NPR3: variants seen among roughly 807,000 people sequenced by gnomAD.
NPR3 encodes natriuretic peptide receptor 3.
A neutral mutation model predicts 54.5 loss-of-function variants in NPR3; 34 were observed. The ratio of observed to expected loss-of-function variants is 0.62; its 90% CI spans 0.47 to 0.83. NPR3 has a LOEUF of 0.83. NPR3 is among the 40% of genes least tolerant of loss of function. The probability of loss-of-function intolerance (pLI) is 0.00; values close to 1 mark genes in which losing one functional copy is unlikely to be tolerated. For synonymous variants in NPR3, 289 were observed against 297.1 expected (o/e 0.97, Z 0.28); for missense variants, 674 against 720.8 (o/e 0.94, Z 0.74).
chr5:32,752,298 G>A (rs1382178525), intron 3 of NPR3, among the ~76,000 whole-genome samples: 1 of 152,174 alleles, frequency 6.6e-6, no homozygotes, highest in African/African-American at 2.4e-5. Flanking sequence ...GAAGCAGTAT[G>A]GGAGGTGACG....
At chr5:32,729,693 C>T (rs1300917024) in intron 2 of NPR3, among the ~76,000 whole-genome samples, 1 of 152,082 alleles carries the variant, frequency 6.6e-6, no homozygotes, top group Non-Finnish European at 1.5e-5. Flanking sequence ...GCAATTATAG[C>T]ATGATGGTAT....
intron 1 of NPR3, among the ~76,000 whole-genome samples, chr5:32,721,727 G>C (rs551480120): frequency 6.6e-6 from 1 of 152,284 alleles, no homozygotes; most frequent in African/African-American, 2.4e-5. Context: ...TGGTGGTGGG[G>C]TATGTCTTAG....
chr5:32,752,756 A>C (rs1312745315), intron 3 of NPR3, among the ~76,000 whole-genome samples: 1 of 152,234 alleles, frequency 6.6e-6, no homozygotes, highest in African/African-American at 2.4e-5. Flanking sequence ...AATCAAGTGG[A>C]CTGAGGTGTT....
intron 5 of NPR3, among the ~76,000 whole-genome samples, chr5:32,782,118 G>A (rs1258966945): frequency 6.6e-6 from 1 of 152,118 alleles, no homozygotes; most frequent in Non-Finnish European, 1.5e-5. Context: ...ATTTTCCAGG[G>A]GCCAGAGGAG....
At position 32,790,352 on chromosome 5, in the gene NPR3, CTCCACCCACA is replaced by C. The variant is rs2307546; in HGVS notation, c.*4013_*4022del. 10,636 of 168,060 alleles carry C rather than the reference CTCCACCCACA, an allele frequency of 0.063. 1,282 individuals are homozygous for C. Among genetic ancestry groups the C allele is most frequent in the African/African-American group, 0.25 (10,183 of 41,428 alleles). The allele number at this position is 168,060 out of a possible 1,614,324, so 10.4% of individuals were successfully genotyped here. On this transcript the variant is annotated 3_prime_UTR_variant, in exon 8 of 8. Coordinates refer to ENST00000265074, the MANE Select transcript of NPR3 (RefSeq NM_001204375.2). ...ACTGTCTTTACTGCCCCTTCTGCCCCTCCACCCACATCCACATTCAGCATCACTCCAAGGA... is the reference window on the plus strand; with the variant it reads ...ACTGTCTTTACTGCCCCTTCTGCCCCTCCACATTCAGCATCACTCCAAGGA...
chr5:32,722,271 A>C (rs1208536906), intron 1 of NPR3, among the ~76,000 whole-genome samples: 1 of 152,192 alleles, frequency 6.6e-6, no homozygotes, highest in Non-Finnish European at 1.5e-5. Context: ...ATGGATGCCT[A>C]GGGTCATCAA....
intron 3 of NPR3, among the ~76,000 whole-genome samples, chr5:32,744,373 T>A (rs1043381793): frequency 6.6e-6 from 1 of 152,186 alleles, no homozygotes; most frequent in African/African-American, 2.4e-5. Flanking sequence ...TGGGATTTCA[T>A]AGACCTGGCT....
chr5:32,721,170 A>G (rs143825712), intron 1 of NPR3, among the ~76,000 whole-genome samples: 81 of 152,322 alleles, frequency 5.3e-4, no homozygotes, highest in Non-Finnish European at 9.8e-4. Flanking sequence ...ACTGGATGAT[A>G]ATGTGCATTA....
intron 7 of NPR3, 92 bp downstream of exon 7, chr5:32,784,975 C>T: frequency 9.6e-7 from 1 of 1,039,934 alleles, no homozygotes; most frequent in South Asian, 1.3e-5. Context: ...GTCCACATCC[C>T]TCTTTCACCC....
chr5:32,728,829 G>GTATATA (rs1456034881), intron 2 of NPR3, among the ~76,000 whole-genome samples: 87 of 76,130 alleles, frequency 1.1e-3, no homozygotes, highest in East Asian at 1.6e-3. Context: ...GTGTGTGTGT[G>GTATATA]TGTGTGTGTA....
chr5:32,780,561 A>C (rs1742285349), intron 4 of NPR3, among the ~76,000 whole-genome samples, 161 bp from the exon 5 acceptor site: 1 of 152,240 alleles, frequency 6.6e-6, no homozygotes, highest in Admixed American at 6.5e-5. Flanking sequence ...ATGAAATTAC[A>C]ATGTCTTTCC....
At chr5:32,691,652 G>T (rs949183022) in intron 1 of NPR3, among the ~76,000 whole-genome samples, 1 of 152,230 alleles carries the variant, frequency 6.6e-6, no homozygotes. Context: ...CTGCCATTTT[G>T]CAGAGTAATC....
chr5:32,714,260 T>C (rs1738427707), intron 1 of NPR3, among the ~76,000 whole-genome samples: 1 of 152,260 alleles, frequency 6.6e-6, no homozygotes, highest in Admixed American at 6.5e-5. Flanking sequence ...TGTCAGCGGC[T>C]GCCCCGGCGC....
At chr5:32,702,761 T>C (rs766877774) in intron 1 of NPR3, among the ~76,000 whole-genome samples, 26 of 152,292 alleles carry the variant, frequency 1.7e-4, no homozygotes, top group Non-Finnish European at 1.6e-4. Context: ...ATTTGTAGTC[T>C]TTTGGGTATA....
chr5:32,718,429 G>A (rs990660540), intron 1 of NPR3, among the ~76,000 whole-genome samples: 2 of 152,144 alleles, frequency 1.3e-5, no homozygotes, highest in African/African-American at 4.8e-5. Context: ...ATTACTTTGG[G>A]CAATATGGCC....
chr5:32,710,470 C>T, upstream of NPR3: 1 of 516,118 alleles, frequency 1.9e-6, no homozygotes, highest in East Asian at 4.0e-5. Flanking sequence ...ATTCCCTCGC[C>T]TTTGGGAGCA....
intron 3 of NPR3, among the ~76,000 whole-genome samples, chr5:32,751,992 G>A (rs111935374): frequency 0.21 from 31,353 of 151,912 alleles, 3,344 homozygotes; most frequent in South Asian, 0.28. Flanking sequence ...ACCTGAGGTC[G>A]GGAGTTCAAG....
At chr5:32,738,300 CT>C (rs1000329331) in intron 2 of NPR3, among the ~76,000 whole-genome samples, 40 of 152,182 alleles carry the variant, frequency 2.6e-4, no homozygotes, top group African/African-American at 9.2e-4. Context: ...CCCCCACCCC[CT>C]GATAGGCCCT....
At chr5:32,696,544 T>A (rs946276850) in intron 1 of NPR3, among the ~76,000 whole-genome samples, 1 of 152,102 alleles carries the variant, frequency 6.6e-6, no homozygotes, top group Non-Finnish European at 1.5e-5. Context: ...GTGAAGAATG[T>A]CATTGGTATT....
Sources: allele counts gnomAD v4.1 joint callset (sites outside exome capture counted in the v4.1 genomes callset), GRCh38; gene constraint gnomAD v4.1.1; transcripts MANE v1.5; gene names NCBI Gene and HGNC (gene_info 2026-07-23, HGNC 2026-07-21).